The following SEPTIN6 variants were observed in gnomAD, a reference collection of about 807,000 sequenced individuals.
SEPTIN6 encodes the protein septin-6.
A neutral mutation model predicts 33.6 loss-of-function variants in SEPTIN6; 8 were observed. The ratio of observed to expected loss-of-function variants is 0.24; its 90% CI spans 0.14 to 0.43. The LOEUF (loss-of-function observed/expected upper bound fraction) is 0.43, where lower values mean the gene tolerates loss of function less well. SEPTIN6 is among the 20% of genes least tolerant of loss of function. The probability of loss-of-function intolerance (pLI) is 1.00; values close to 1 mark genes in which losing one functional copy is unlikely to be tolerated. For missense variants in SEPTIN6, 250 were observed against 340.8 expected (o/e 0.73, Z 2.10); for synonymous variants, 131 against 140.0 (o/e 0.94, Z 0.45).
chrX:119,665,052 G>A (rs916729222), intron 2 of SEPTIN6, among the ~76,000 whole-genome samples: 1 of 108,736 alleles, frequency 9.2e-6, no homozygotes, highest in East Asian at 2.9e-4. Context: ...TAACTAAGAG[G>A]GGCGGGGTGG....
At chrX:119,634,755 TC>T (rs2054027474) in intron 7 of SEPTIN6, among the ~76,000 whole-genome samples, 1 of 110,944 alleles carries the variant, frequency 9.0e-6, no homozygotes, top group Non-Finnish European at 1.9e-5. Flanking sequence ...ATGCCTGTAA[TC>T]TCAGCACTTT....
Position 119,663,977 on chromosome X carries a change from GTTGT to G in SEPTIN6, c.146-304_146-301del, listed in dbSNP as rs753946256. On this transcript the variant is annotated intron_variant, in intron 2 of 10. Coordinates refer to ENST00000394610, the MANE Select transcript of SEPTIN6 (RefSeq NM_145799.4). ...TTGAGTATACATTGTTTTTTTTGTT[GTTGT>G]TTGTTTGTTTGTTTGTTTTTGAGAC... 7.8e-3 allele frequency among the ~76,000 whole-genome samples: 856 copies of G among 110,006 alleles called. 6 individuals carry two copies. The highest frequency in any genetic ancestry group is 9.9e-3 in the Non-Finnish European group (521 of 52,591).
At chrX:119,629,058 G>T in intron 9 of SEPTIN6, 2 of 327,090 alleles carry the variant, frequency 6.1e-6, no homozygotes, top group South Asian at 9.1e-5. Context: ...CCTTGAGTTT[G>T]CAGGGCTTTC....
chrX:119,636,384 C>T (rs1459095704), intron 7 of SEPTIN6, among the ~76,000 whole-genome samples: 4 of 111,967 alleles, frequency 3.6e-5, no homozygotes, highest in African/African-American at 1.3e-4. Flanking sequence ...TGCATAATAA[C>T]CTGCTTTCAA....
intron 8 of SEPTIN6, among the ~76,000 whole-genome samples, chrX:119,629,840 A>G (rs1569421472): frequency 8.9e-6 from 1 of 111,982 alleles, no homozygotes. Context: ...ACATTTACTG[A>G]GTGCTGGCCG....
intron 5 of SEPTIN6, among the ~76,000 whole-genome samples, chrX:119,645,538 T>C (rs1187921289): frequency 5.4e-5 from 6 of 111,045 alleles, no homozygotes; most frequent in Middle Eastern, 4.7e-3. Context: ...GCTGGGATTA[T>C]AGGCATGTGC....
intron 5 of SEPTIN6, among the ~76,000 whole-genome samples, chrX:119,647,961 A>ATTTTTTTTTTTTTTTTTTTTTTTTTT: frequency 9.6e-6 from 1 of 103,703 alleles, no homozygotes; most frequent in Non-Finnish European, 2.0e-5. Flanking sequence ...CCACTAGTTA[A>ATTTTTTTTTTTTTTTTTTTTTTTTTT]TTTTTTTTAA....
At chrX:119,671,297 T>C (rs967010240) in intron 2 of SEPTIN6, among the ~76,000 whole-genome samples, 3 of 107,782 alleles carry the variant, frequency 2.8e-5, no homozygotes, top group African/African-American at 1.0e-4. Flanking sequence ...TAAGTTTTTT[T>C]TTTTTTTTGA....
At chrX:119,670,913 G>T (rs186256732) in intron 2 of SEPTIN6, among the ~76,000 whole-genome samples, 1 of 104,941 alleles carries the variant, frequency 9.5e-6, no homozygotes, top group East Asian at 3.1e-4. Context: ...ACTCCAGCCT[G>T]GGTGACAAGA....
intron 2 of SEPTIN6, among the ~76,000 whole-genome samples, chrX:119,664,557 G>A (rs1008983687): frequency 1.4e-4 from 15 of 110,330 alleles, no homozygotes; most frequent in Admixed American, 1.3e-3. Context: ...GCCAGGCGTG[G>A]TGGCTCACAC....
chrX:119,637,145 G>C lies in SEPTIN6; in HGVS notation c.838C>G (p.Arg280Gly), dbSNP rs4335271. 3.3e-5 allele frequency: 40 copies of C among 1,209,743 alleles called. No homozygotes were observed. In the African/African-American group the frequency reaches 6.6e-4, roughly 20 times the overall value. The change falls in exon 7 of 11, where the codon CGG becomes GGG. Residue 280 changes from arginine (R) to glycine (G), a missense_variant. Physicochemically the swap from Arg to Gly is moderately radical, Grantham distance 125. Transcript: ENST00000394610. Reference protein sequence around the residue: ...DFVKLREMLIRVNMEDLREQT... With the variant: ...DFVKLREMLIGVNMEDLREQT... The stretch of plus-strand genomic sequence containing the variant: ...TCCCGCAGATCCTCCATGTTGACCC[G>C]AATCAGCATCTCCCGCAGCTTCACA...
At chrX:119,683,665 G>A (rs745384202) in intron 1 of SEPTIN6, among the ~76,000 whole-genome samples, 70 of 111,970 alleles carry the variant, frequency 6.3e-4, no homozygotes, top group Non-Finnish European at 1.0e-3. Context: ...TGTAGGTGAT[G>A]TTGCTTTTCT....
At chrX:119,645,331 C>T (rs1473299803) in intron 5 of SEPTIN6, among the ~76,000 whole-genome samples, 4 of 105,455 alleles carry the variant, frequency 3.8e-5, no homozygotes, top group East Asian at 3.0e-4. Flanking sequence ...CTCCGCGTCC[C>T]GGGTTCAAGT....
Position 119,619,546 on chromosome X carries a change from C to A in SEPTIN6, c.*547G>T, listed in dbSNP as rs1390862018. On this transcript the variant is annotated 3_prime_UTR_variant, in exon 11 of 11. Coordinates refer to ENST00000394610, the MANE Select transcript of SEPTIN6 (RefSeq NM_145799.4). ...GGTTAGAAGGAAAAGGCGCCAAAGGCTGTCCTTTTGAAACCCTCTAAGAAA... is the reference window on the plus strand; with the variant it reads ...GGTTAGAAGGAAAAGGCGCCAAAGGATGTCCTTTTGAAACCCTCTAAGAAA... 2.4e-6 allele frequency: 2 copies of A among 816,861 alleles called. No homozygotes were observed. Among genetic ancestry groups the A allele is most frequent in the Non-Finnish European group, 1.5e-6 (1 of 679,114 alleles). 67.3% of individuals were successfully genotyped at this position (816,861 alleles called of 1,213,427 possible).
At chrX:119,690,330 C>T (rs2055143080) in intron 1 of SEPTIN6, among the ~76,000 whole-genome samples, 1 of 93,298 alleles carries the variant, frequency 1.1e-5, no homozygotes, top group African/African-American at 4.1e-5. Flanking sequence ...AAGAACACAC[C>T]CCCCACATAC....
In SEPTIN6 at chrX:119,628,504, C is replaced by CT. The variant is rs766806075; in HGVS notation, c.1280+813dup. ...ATGTTGTTCAGGCTGGTCTTGAACT[C>CT]TTTTTTTTTTTTTTTTTTTGAGACG... is the stretch of plus-strand genomic sequence containing the variant. On this transcript the variant is annotated intron_variant, in intron 9 of 10. Transcript: ENST00000394610. Among the ~76,000 whole-genome samples the CT allele has an allele frequency of 3.1e-3, 240 of 78,338 alleles. 1 individual carries two copies. The highest frequency in any genetic ancestry group is 5.1e-3 in the African/African-American group (98 of 19,153). 68.0% of individuals were successfully genotyped at this position (78,338 alleles called of 115,157 possible).
chrX:119,681,526 T>C, intron 1 of SEPTIN6, among the ~76,000 whole-genome samples: 1 of 110,255 alleles, frequency 9.1e-6, no homozygotes, highest in South Asian at 3.8e-4. Context: ...CAAAGATCTA[T>C]TACAAGGAAA....
chrX:119,626,007 C>T lies in SEPTIN6; in HGVS notation c.1281-628G>A, dbSNP rs773265251. Among the ~76,000 whole-genome samples, 6 of 112,337 alleles carry T rather than the reference C, an allele frequency of 5.3e-5. No homozygotes were observed. The South Asian group carries it at 1.1e-3, about 21-fold the overall frequency. On this transcript the variant is annotated intron_variant, in intron 9 of 10. Coordinates refer to ENST00000394610, the MANE Select transcript of SEPTIN6 (RefSeq NM_145799.4). Reference sequence around the variant, plus strand: ...TGGGAGGAGGGTAGCACAGGTCTAACGGTGGCTCTTCCAGAAGTTAACAAA... The same window carrying T: ...TGGGAGGAGGGTAGCACAGGTCTAATGGTGGCTCTTCCAGAAGTTAACAAA...
At chrX:119,658,804 A>G (rs756933026) in intron 3 of SEPTIN6, among the ~76,000 whole-genome samples, 3 of 112,423 alleles carry the variant, frequency 2.7e-5, no homozygotes, top group East Asian at 2.8e-4. Context: ...TTGATTGTAC[A>G]TAAGTATTTC....
Sources: allele counts gnomAD v4.1 joint callset (sites outside exome capture counted in the v4.1 genomes callset), GRCh38; gene constraint gnomAD v4.1.1; transcripts MANE v1.5; gene names NCBI Gene and HGNC (gene_info 2026-07-23, HGNC 2026-07-21).